Variants in CHST8 observed in about 807,000 individuals in gnomAD.
The protein encoded by CHST8 is carbohydrate sulfotransferase 8, also known as GALNAC-4-ST1.
In CHST8, 10 loss-of-function variants were observed where a neutral mutation model predicts 15.0. That is an observed-to-expected ratio of 0.67 (90% CI 0.41 to 1.13). The LOEUF is 1.13. Ranked by LOEUF, CHST8 falls within the 50% of genes most tolerant of loss-of-function variation. The pLI is 0.00. For missense variants in CHST8, 634 were observed against 608.2 expected (o/e 1.04, Z -0.45); for synonymous variants, 259 against 256.6 (o/e 1.01, Z -0.09).
At chr19:33,749,968 C>T (rs774632946) in intron 3 of CHST8, among the ~76,000 whole-genome samples, 11 of 152,164 alleles carry the variant, frequency 7.2e-5, no homozygotes, top group Non-Finnish European at 1.6e-4. Flanking sequence ...ACAGGCTGCA[C>T]TCTCTGAGTC....
intron 1 of CHST8, among the ~76,000 whole-genome samples, chr19:33,651,509 T>C (rs1310864509): frequency 6.6e-6 from 1 of 152,224 alleles, no homozygotes; most frequent in Non-Finnish European, 1.5e-5. Flanking sequence ...TTAATATTTA[T>C]AATATGGCTA....
At chr19:33,633,815 T>TG (rs1972156750) in intron 1 of CHST8, among the ~76,000 whole-genome samples, 1 of 95,584 alleles carries the variant, frequency 1.0e-5, no homozygotes, top group Non-Finnish European at 2.4e-5. Flanking sequence ...GTGTGTGTGT[T>TG]TAAGACAAGA....
At chr19:33,763,117 C>T (rs1383587313) in intron 3 of CHST8, among the ~76,000 whole-genome samples, 1 of 152,202 alleles carries the variant, frequency 6.6e-6, no homozygotes, top group Non-Finnish European at 1.5e-5. Context: ...CTCAGTCTCC[C>T]AAAGTGCTAG....
chr19:33,670,625 C>G (rs936452933), intron 2 of CHST8, among the ~76,000 whole-genome samples: 3 of 152,154 alleles, frequency 2.0e-5, no homozygotes, highest in Non-Finnish European at 4.4e-5. Context: ...TTTCCAGGAG[C>G]GTCACATTTT....
chr19:33,633,744 G>A (rs541546364), intron 1 of CHST8, among the ~76,000 whole-genome samples: 1 of 151,284 alleles, frequency 6.6e-6, no homozygotes, highest in African/African-American at 2.4e-5. Context: ...GGGCCCCAGG[G>A]TGCAGGTACT....
intron 3 of CHST8, among the ~76,000 whole-genome samples, chr19:33,756,477 A>G (rs1974549027): frequency 6.6e-6 from 1 of 152,076 alleles, no homozygotes; most frequent in African/African-American, 2.4e-5. Context: ...CTGGTTCACC[A>G]TAAGCCAAGG....
chr19:33,686,844 C>A (rs188710321), intron 2 of CHST8, among the ~76,000 whole-genome samples: 1 of 152,214 alleles, frequency 6.6e-6, no homozygotes, highest in Non-Finnish European at 1.5e-5. Flanking sequence ...CCGGCATGCA[C>A]CCGGGCATGT....
intron 3 of CHST8, among the ~76,000 whole-genome samples, chr19:33,765,848 C>T (rs1026334010): frequency 4.6e-5 from 7 of 152,102 alleles, no homozygotes; most frequent in Admixed American, 3.3e-4. Context: ...GTGTGAGCCA[C>T]CACGCCCGGC....
At chr19:33,703,756 G>A (rs796918628) in intron 3 of CHST8, among the ~76,000 whole-genome samples, 5 of 152,352 alleles carry the variant, frequency 3.3e-5, no homozygotes, top group African/African-American at 1.2e-4. Context: ...ACCATTATAT[G>A]CCTGCTGATG....
chr19:33,689,547 G>A (rs1034477279), intron 3 of CHST8, among the ~76,000 whole-genome samples, 156 bp downstream of exon 3: 13 of 152,228 alleles, frequency 8.5e-5, no homozygotes, highest in Non-Finnish European at 1.3e-4. Flanking sequence ...CGGGGAAGGC[G>A]TTAGTCTCAA....
At chr19:33,759,071 C>A (rs984764166) in intron 3 of CHST8, among the ~76,000 whole-genome samples, 2 of 152,166 alleles carry the variant, frequency 1.3e-5, no homozygotes, top group Non-Finnish European at 2.9e-5. Flanking sequence ...AGAATTCATT[C>A]ACTATTACAG....
At chr19:33,677,913 T>G (rs1310533358) in intron 2 of CHST8, among the ~76,000 whole-genome samples, 1 of 152,168 alleles carries the variant, frequency 6.6e-6, no homozygotes, top group Non-Finnish European at 1.5e-5. Context: ...ACATTTTAAC[T>G]TGGGTCACTG....
At chr19:33,655,679 T>C (rs1186267433) in intron 1 of CHST8, among the ~76,000 whole-genome samples, 1 of 152,192 alleles carries the variant, frequency 6.6e-6, no homozygotes, top group Non-Finnish European at 1.5e-5. Flanking sequence ...GATTTTAAAA[T>C]TTACTAGCAG....
At chr19:33,736,937 T>C (rs1974097334) in intron 3 of CHST8, among the ~76,000 whole-genome samples, 1 of 152,126 alleles carries the variant, frequency 6.6e-6, no homozygotes, top group Non-Finnish European at 1.5e-5. Flanking sequence ...AAACCAAAGG[T>C]GGTGATGGAA....
chr19:33,708,932 C>A (rs1973497149), intron 3 of CHST8, among the ~76,000 whole-genome samples: 1 of 152,140 alleles, frequency 6.6e-6, no homozygotes, highest in Non-Finnish European at 1.5e-5. Context: ...TTTCAGTATA[C>A]AAGTCTTATC....
At chr19:33,771,688 G>A (rs921532155) in intron 4 of CHST8, among the ~76,000 whole-genome samples, 18 of 152,156 alleles carry the variant, frequency 1.2e-4, no homozygotes, top group Non-Finnish European at 2.6e-4. Context: ...CCCGCCTGCA[G>A]GCCACCTATT....
At chr19:33,728,185 A>G (rs1416573104) in intron 3 of CHST8, among the ~76,000 whole-genome samples, 1 of 152,238 alleles carries the variant, frequency 6.6e-6, no homozygotes, top group Non-Finnish European at 1.5e-5. Context: ...TTACTCTTTC[A>G]TGTAAATTTC....
chr19:33,652,331 CTTTTT>C (rs565022363), intron 1 of CHST8, among the ~76,000 whole-genome samples: 1 of 114,394 alleles, frequency 8.7e-6, no homozygotes, highest in Non-Finnish European at 1.9e-5. Flanking sequence ...AGTTGGTTTT[CTTTTT>C]TTTTGTGGTT....
At position 33,772,628 on chromosome 19, in the gene CHST8, C is replaced by T. The variant is rs757259495; in HGVS notation, c.840C>T (p.His280=). The T allele has an allele frequency of 6.2e-7, 1 of 1,614,040 alleles. No homozygotes were observed. ...TTGAGCACCCCAACAGCTACTATCACCCGGTCTTCGGCAAGGCCATCCTGG... is the reference window on the plus strand; with the variant it reads ...TTGAGCACCCCAACAGCTACTATCATCCGGTCTTCGGCAAGGCCATCCTGG... ...DKFEHPNSYY[H]PVFGKAILAR... Residue 280 remains histidine, a synonymous_variant, in exon 5 of 5, where the codon CAC becomes CAT. Transcript: ENST00000650847.
Sources: gnomAD v4.1 joint callset for allele counts (sites outside exome capture counted in the v4.1 genomes callset) on GRCh38, gnomAD v4.1.1 for gene constraint, MANE v1.5 for transcripts, NCBI Gene and HGNC (gene_info 2026-07-23, HGNC 2026-07-21) for gene names.